DRC9: variants seen among roughly 807,000 people sequenced by gnomAD.
The protein encoded by DRC9 is dynein regulatory complex protein 9.
the DRC9 span, among the ~76,000 whole-genome samples, chr3:197,907,056 C>T: frequency 6.6e-6 from 1 of 152,192 alleles, no homozygotes; most frequent in South Asian, 2.1e-4. Flanking sequence ...CAATTAAGTG[C>T]TCCCAATTAT....
chr3:197,956,962 CAAG>C, the DRC9 span: 1 of 152,172 alleles, frequency 6.6e-6, no homozygotes. Flanking sequence ...AAAATGTCAA[CAAG>C]AAACTGGGAG....
chr3:197,912,825 G>T, the DRC9 span: 1 of 1,206,156 alleles, frequency 8.3e-7, no homozygotes, highest in Non-Finnish European at 1.2e-6. Context: ...GAGAGCAGCA[G>T]CTCGGTCGGT....
the DRC9 span, among the ~76,000 whole-genome samples, chr3:197,896,862 C>T: frequency 1.3e-5 from 2 of 152,056 alleles, no homozygotes; most frequent in African/African-American, 4.8e-5. Context: ...ACTGTACTAC[C>T]CTCTGAAAGA....
the DRC9 span, among the ~76,000 whole-genome samples, chr3:197,898,325 A>C: frequency 0.19 from 29,535 of 152,158 alleles, 4,543 homozygotes; most frequent in African/African-American, 0.43. Context: ...AGATCCTGTA[A>C]ATTACAGCCA....
the DRC9 span, among the ~76,000 whole-genome samples, chr3:197,910,845 G>A: frequency 2.6e-5 from 4 of 151,716 alleles, no homozygotes; most frequent in South Asian, 2.1e-4. Flanking sequence ...CTGGACGTGC[G>A]CCTGTAATCC....
chr3:197,889,678 C>A, the DRC9 span: 2 of 1,614,120 alleles, frequency 1.2e-6, no homozygotes, highest in Non-Finnish European at 1.7e-6. Context: ...CCACCAATTT[C>A]TCTCCGTATC....
chr3:197,933,022 TAA>T, the DRC9 span, among the ~76,000 whole-genome samples: 1 of 141,560 alleles, frequency 7.1e-6, no homozygotes, highest in Non-Finnish European at 1.5e-5. Context: ...TATATTAATA[TAA>T]AATATTATAT....
At chr3:197,932,631 CAATA>C in the DRC9 span, among the ~76,000 whole-genome samples, 238 of 143,010 alleles carry the variant, frequency 1.7e-3, 1 homozygote, top group South Asian at 6.7e-3. Context: ...GACTCCGTCT[CAATA>C]AATAAATAAA....
chr3:197,920,194 GT>G, the DRC9 span, among the ~76,000 whole-genome samples: 2 of 151,972 alleles, frequency 1.3e-5, no homozygotes, highest in Non-Finnish European at 2.9e-5. Flanking sequence ...AGGAGACAGA[GT>G]GAGATCACAT....
the DRC9 span, chr3:197,926,078 T>C: frequency 1.9e-6 from 3 of 1,580,546 alleles, no homozygotes; most frequent in South Asian, 3.3e-5. Context: ...TTTGAAGTGA[T>C]ATTATCTGTT....
the DRC9 span, among the ~76,000 whole-genome samples, chr3:197,947,928 CTTTTTTTTTTTT>C: frequency 5.2e-5 from 5 of 96,770 alleles, no homozygotes; most frequent in South Asian, 3.7e-4. Context: ...CCTGCTTTAC[CTTTTTTTTTTTT>C]TTTTTTTTTT....
chr3:197,946,343 G>A, the DRC9 span, among the ~76,000 whole-genome samples: 24 of 150,128 alleles, frequency 1.6e-4, no homozygotes, highest in African/African-American at 5.9e-4. Flanking sequence ...GCTGAGGCAG[G>A]AGAATGGCGT....
At chr3:197,927,373 T>A in the DRC9 span, among the ~76,000 whole-genome samples, 1 of 152,180 alleles carries the variant, frequency 6.6e-6, no homozygotes, top group Non-Finnish European at 1.5e-5. Flanking sequence ...ATTACAGGCA[T>A]GTGCCACCAC....
At chr3:197,913,940 T>C in the DRC9 span, 2 of 1,614,142 alleles carry the variant, frequency 1.2e-6, no homozygotes, top group South Asian at 1.1e-5. Context: ...GTCTGGGCAA[T>C]CTGCAGCTCG....
chr3:197,913,891 T>C, the DRC9 span: 1 of 1,614,162 alleles, frequency 6.2e-7, no homozygotes, highest in Non-Finnish European at 8.5e-7. Flanking sequence ...CTCAATCTCT[T>C]CCACCAAGAG....
the DRC9 span, among the ~76,000 whole-genome samples, chr3:197,952,263 G>A: frequency 2.3e-5 from 3 of 133,110 alleles, no homozygotes; most frequent in Non-Finnish European, 4.7e-5. Flanking sequence ...TCCGCCTCCC[G>A]GGTTCAAGGG....
the DRC9 span, chr3:197,955,966 C>CG: frequency 1.7e-6 from 1 of 593,592 alleles, no homozygotes. Context: ...TAGAAGGGAA[C>CG]GGGTTTTAAT....
At chr3:197,945,727 C>T in the DRC9 span, 1 of 783,302 alleles carries the variant, frequency 1.3e-6, no homozygotes, top group Non-Finnish European at 2.2e-6. Flanking sequence ...TTATGGGCGT[C>T]TTGAATGATG....
the DRC9 span, chr3:197,954,336 G>GT: frequency 0.054 from 25,907 of 475,792 alleles, no homozygotes; most frequent in East Asian, 0.068. Flanking sequence ...TTTGTTTTTT[G>GT]TTTTTTTTTT....
Sources: allele counts gnomAD v4.1 joint callset (sites outside exome capture counted in the v4.1 genomes callset), GRCh38; gene constraint gnomAD v4.1.1; transcripts MANE v1.5; gene names NCBI Gene and HGNC (gene_info 2026-07-23, HGNC 2026-07-21).